SP140L: variants seen among roughly 807,000 people sequenced by gnomAD.
SP140L encodes SP140 like nuclear body protein, also known as nuclear body protein SP140-like protein.
SP140L carries 64 observed loss-of-function variants against 84.3 expected under a neutral mutation model. The observed-to-expected ratio is 0.76, with a 90% CI of 0.62 to 0.94. The LOEUF is 0.94. SP140L is among the 40% of genes least tolerant of loss of function. The pLI is 0.00. For synonymous variants in SP140L, 242 were observed against 236.9 expected (o/e 1.02, Z -0.20); for missense variants, 628 against 692.5 (o/e 0.91, Z 1.05).
At chr2:230,369,262 G>A (rs967887758) in intron 5 of SP140L, among the ~76,000 whole-genome samples, 29 of 152,152 alleles carry the variant, frequency 1.9e-4, no homozygotes, top group African/African-American at 7.0e-4. Context: ...CACTGGTGCA[G>A]CCATCTTCAG....
At chr2:230,399,668 T>C (rs572329152) in intron 14 of SP140L, among the ~76,000 whole-genome samples, 8 of 152,338 alleles carry the variant, frequency 5.3e-5, no homozygotes, top group African/African-American at 1.7e-4. Context: ...CTTCAACTCA[T>C]GGGGAACTTA....
chr2:230,398,323 G>A (rs950843817), intron 14 of SP140L, among the ~76,000 whole-genome samples: 9 of 152,204 alleles, frequency 5.9e-5, no homozygotes, highest in Non-Finnish European at 1.3e-4. Flanking sequence ...CTCCTGAGAT[G>A]AGTCTAATGT....
intron 9 of SP140L, among the ~76,000 whole-genome samples, chr2:230,387,546 G>A (rs1435177016): frequency 3.9e-5 from 6 of 152,178 alleles, no homozygotes; most frequent in Non-Finnish European, 7.3e-5. Context: ...TATGCTTAGA[G>A]TTTAGAGCAC....
chr2:230,351,803 C>CCT (rs142680178), intron 2 of SP140L, among the ~76,000 whole-genome samples: 14,064 of 152,150 alleles, frequency 0.092, 820 homozygotes, highest in Middle Eastern at 0.15. Context: ...CACATCACCA[C>CCT]ATCTGGCTAA....
chr2:230,401,085 A>G (rs1263330260), intron 16 of SP140L, 22 bp downstream of exon 16: 11 of 1,027,688 alleles, frequency 1.1e-5, no homozygotes, highest in Non-Finnish European at 1.6e-5. Context: ...GCAAACCCCA[A>G]GCCTTCTCCT....
chr2:230,399,007 A>G (rs2062187434), intron 14 of SP140L, among the ~76,000 whole-genome samples: 1 of 152,242 alleles, frequency 6.6e-6, no homozygotes, highest in Admixed American at 6.5e-5. Flanking sequence ...GAGGACTTGT[A>G]GATAGACCAT....
At chr2:230,388,733 T>C in intron 10 of SP140L, 100 bp downstream of exon 10, 1 of 1,009,406 alleles carries the variant, frequency 9.9e-7, no homozygotes. Context: ...TTAATTGTTT[T>C]ATGAAGCTAT....
At chr2:230,377,755 C>T (rs1279518597) in intron 7 of SP140L, among the ~76,000 whole-genome samples, 1 of 152,146 alleles carries the variant, frequency 6.6e-6, no homozygotes, top group Non-Finnish European at 1.5e-5. Context: ...CTTGCATTCC[C>T]ACCAGTAATG....
intron 2 of SP140L, among the ~76,000 whole-genome samples, chr2:230,331,476 A>G (rs1324955028): frequency 6.6e-6 from 1 of 152,118 alleles, no homozygotes; most frequent in East Asian, 1.9e-4. Flanking sequence ...TATATTTTTT[A>G]TTCTTGTTTC....
At chr2:230,376,225 T>C (rs1042014371) in intron 7 of SP140L, among the ~76,000 whole-genome samples, 1 of 152,164 alleles carries the variant, frequency 6.6e-6, no homozygotes, top group Non-Finnish European at 1.5e-5. Flanking sequence ...TCTTGACATT[T>C]GTATTTATCA....
chr2:230,370,835 C>T, intron 5 of SP140L, 73 bp from the exon 6 acceptor site: 5 of 1,451,796 alleles, frequency 3.4e-6, no homozygotes, highest in African/African-American at 2.8e-5. Flanking sequence ...GTTCATAAAT[C>T]ACAATTTTGC....
At chr2:230,388,877 A>T (rs2061693182) in intron 10 of SP140L, 1 of 355,620 alleles carries the variant, frequency 2.8e-6, no homozygotes, top group African/African-American at 2.1e-5. Context: ...CTTCCACTGA[A>T]ATGATAAATT....
chr2:230,329,471 A>T (rs1013452023), intron 2 of SP140L, among the ~76,000 whole-genome samples: 1 of 152,146 alleles, frequency 6.6e-6, no homozygotes. Context: ...CCCAAATCTC[A>T]TCTTGAATTG....
intron 2 of SP140L, among the ~76,000 whole-genome samples, chr2:230,335,645 T>C (rs1286762093): frequency 6.6e-6 from 1 of 152,018 alleles, no homozygotes; most frequent in Non-Finnish European, 1.5e-5. Context: ...CTTTGCCACA[T>C]TTGAAAGGCA....
intron 5 of SP140L, among the ~76,000 whole-genome samples, 176 bp from the exon 6 acceptor site, chr2:230,370,732 G>C (rs1435695450): frequency 6.6e-6 from 1 of 152,122 alleles, no homozygotes; most frequent in African/African-American, 2.4e-5. Context: ...GTCAAATATA[G>C]GGAGGAGAAG....
At chr2:230,369,377 G>A (rs976165723) in intron 5 of SP140L, among the ~76,000 whole-genome samples, 8 of 152,212 alleles carry the variant, frequency 5.3e-5, no homozygotes, top group Non-Finnish European at 1.2e-4. Context: ...TGAGGCTGAA[G>A]TAGTGCTGGG....
intron 7 of SP140L, among the ~76,000 whole-genome samples, chr2:230,381,711 TAC>T (rs71052506): frequency 0.071 from 10,324 of 146,332 alleles, 362 homozygotes; most frequent in Middle Eastern, 0.11. Flanking sequence ...CCTGTCTCTC[TAC>T]ACACACACAC....
chr2:230,347,817 G>A (rs763582699), intron 2 of SP140L, among the ~76,000 whole-genome samples: 26 of 152,200 alleles, frequency 1.7e-4, no homozygotes, highest in Admixed American at 5.2e-4. Context: ...TGCTGACTAT[G>A]CTCCCTGGCC....
chr2:230,381,587 G>A (rs1481414309), intron 7 of SP140L, among the ~76,000 whole-genome samples: 1 of 152,058 alleles, frequency 6.6e-6, no homozygotes, highest in Non-Finnish European at 1.5e-5. Flanking sequence ...TAGGTGCAGT[G>A]GCTCACTCAT....
Sources: allele counts gnomAD v4.1 joint callset (sites outside exome capture counted in the v4.1 genomes callset), GRCh38; gene constraint gnomAD v4.1.1; transcripts MANE v1.5; gene names NCBI Gene and HGNC (gene_info 2026-07-23, HGNC 2026-07-21).